Variants in ZNF782 observed in about 807,000 individuals in gnomAD.
ZNF782 encodes the protein zinc finger protein 782.
ZNF782 carries 12 observed loss-of-function variants against 13.0 expected under a neutral mutation model. The observed-to-expected ratio is 0.92, with a 90% confidence interval of 0.59 to 1.50. ZNF782 has a LOEUF of 1.50. Ranked by LOEUF, ZNF782 falls within the 40% of genes most tolerant of loss-of-function variation. The probability of loss-of-function intolerance (pLI) is 0.00; values close to 1 mark genes in which losing one functional copy is unlikely to be tolerated. For missense variants in ZNF782, 770 were observed against 822.9 expected (o/e 0.94, Z 0.79); for synonymous variants, 284 against 283.0 (o/e 1.00, Z -0.04).
the ZNF782 span, among the ~76,000 whole-genome samples, chr9:96,925,246 C>T: frequency 2.0e-5 from 3 of 151,992 alleles, no homozygotes; most frequent in African/African-American, 7.3e-5. Context: ...GGGAGGGCCC[C>T]GCAGGAGATG....
chr9:96,819,921 ACATATTCCC>A, intron 5 of ZNF782, 143 bp from the exon 6 acceptor site: 1 of 687,202 alleles, frequency 1.5e-6, no homozygotes, highest in East Asian at 3.4e-5. Flanking sequence ...AATTTCAAGT[ACATATTCCC>A]CATATTCCCT....
upstream of ZNF782, among the ~76,000 whole-genome samples, chr9:96,877,486 G>C (rs994346957): frequency 6.6e-6 from 1 of 152,262 alleles, no homozygotes; most frequent in African/African-American, 2.4e-5. Flanking sequence ...ACCTGGCAGA[G>C]GGGGCTGCAG....
chr9:96,848,812 T>C (rs1252953906), intron 3 of ZNF782, among the ~76,000 whole-genome samples: 1 of 152,024 alleles, frequency 6.6e-6, no homozygotes, highest in Non-Finnish European at 1.5e-5. Context: ...TTTACATAAT[T>C]AGAAAAAACA....
chr9:96,829,590 G>A (rs1362947787), intron 4 of ZNF782, among the ~76,000 whole-genome samples: 2 of 152,082 alleles, frequency 1.3e-5, no homozygotes, highest in African/African-American at 2.4e-5. Context: ...AAGTACAGAA[G>A]AGTTGAAGAA....
chr9:96,833,949 CCT>C (rs1162289141), intron 4 of ZNF782, among the ~76,000 whole-genome samples: 1 of 152,100 alleles, frequency 6.6e-6, no homozygotes, highest in Admixed American at 6.5e-5. Context: ...AGTTGGCTCC[CCT>C]GTTCTTTGAC....
chr9:96,919,961 A>C, the ZNF782 span, among the ~76,000 whole-genome samples: 7,842 of 147,926 alleles, frequency 0.053, 533 homozygotes, highest in African/African-American at 0.18. Flanking sequence ...TAGTAATATA[A>C]GATTATTATT....
the ZNF782 span, among the ~76,000 whole-genome samples, chr9:96,883,699 C>T: frequency 5.9e-5 from 9 of 152,050 alleles, no homozygotes; most frequent in African/African-American, 1.7e-4. Context: ...GAAAAACTAA[C>T]GACATAAAAA....
At chr9:96,844,744 G>A in intron 4 of ZNF782, 146 bp downstream of exon 4, 1 of 1,072,212 alleles carries the variant, frequency 9.3e-7, no homozygotes. Context: ...TTTCTGTTAA[G>A]TATACCTCAA....
intron 1 of ZNF782, among the ~76,000 whole-genome samples, chr9:96,862,197 A>G (rs990698411): frequency 3.3e-5 from 5 of 152,236 alleles, no homozygotes; most frequent in African/African-American, 4.8e-5. Flanking sequence ...GAGCTAAAGT[A>G]GAATTGTTGG....
In ZNF782 at chr9:96,818,716, C is replaced by T; in HGVS notation, c.1307G>A (p.Gly436Asp). 1 of 1,613,688 alleles carries T rather than the reference C, an allele frequency of 6.2e-7. No individual in the cohort carries two copies. The highest frequency in any genetic ancestry group is 8.5e-7 in the Non-Finnish European group (1 of 1,179,942). ...GCDKAFSAKS[G>D]LRIHQRTHTG... ...GTGGGTTCTCTGGTGTATTCTTAGG[C>T]CTGACTTTGCACTGAAAGCTTTATC... Residue 436 changes from glycine to aspartate, a missense_variant, in exon 6 of 6, where the codon GGC becomes GAC. Physicochemically the swap from Gly to Asp is moderately conservative, Grantham distance 94. Coordinates refer to ENST00000481138, the MANE Select transcript of ZNF782 (RefSeq NM_001001662.3).
At chr9:96,886,512 T>C in the ZNF782 span, among the ~76,000 whole-genome samples, 2 of 152,342 alleles carry the variant, frequency 1.3e-5, no homozygotes, top group East Asian at 3.9e-4. Context: ...TAGAAAAGGT[T>C]GTTAAACCAC....
chr9:96,894,354 C>T, the ZNF782 span: 3 of 151,976 alleles, frequency 2.0e-5, no homozygotes, highest in Non-Finnish European at 2.9e-5. Flanking sequence ...AAAAAAAGAA[C>T]CTCCATGCTC....
At chr9:96,902,954 C>T in the ZNF782 span, 2 of 151,272 alleles carry the variant, frequency 1.3e-5, no homozygotes, top group Non-Finnish European at 2.9e-5. Flanking sequence ...AAGCATGCAC[C>T]ATCACACCGG....
At chr9:96,873,018 T>A (rs1443917973) in intron 1 of ZNF782, among the ~76,000 whole-genome samples, 1 of 151,948 alleles carries the variant, frequency 6.6e-6, no homozygotes, top group Non-Finnish European at 1.5e-5. Flanking sequence ...CCACATAATT[T>A]GACTTTAGCA....
chr9:96,831,043 A>C (rs962329353), intron 4 of ZNF782, among the ~76,000 whole-genome samples: 7 of 152,184 alleles, frequency 4.6e-5, no homozygotes, highest in South Asian at 2.1e-4. Flanking sequence ...CGCCACAGGG[A>C]CCTGTGAGAC....
chr9:96,862,143 C>T (rs1345050015), intron 1 of ZNF782, among the ~76,000 whole-genome samples: 2 of 152,008 alleles, frequency 1.3e-5, no homozygotes, highest in Admixed American at 6.5e-5. Context: ...GTGAAATAAG[C>T]GAAGCAAGAA....
intron 4 of ZNF782, among the ~76,000 whole-genome samples, chr9:96,843,345 C>T (rs1322733751): frequency 6.6e-6 from 1 of 152,098 alleles, no homozygotes; most frequent in African/African-American, 2.4e-5. Flanking sequence ...TACTACGTAG[C>T]TATAAAAGGA....
intron 2 of ZNF782, 34 bp from the exon 3 acceptor site, chr9:96,852,039 C>T (rs1472756290): frequency 1.7e-5 from 24 of 1,432,380 alleles, no homozygotes; most frequent in African/African-American, 2.8e-5. Flanking sequence ...CACACGGTCT[C>T]GCCTACCTCA....
At chr9:96,876,878 C>T (rs1167340898), upstream of ZNF782, among the ~76,000 whole-genome samples, 1 of 126,122 alleles carries the variant, frequency 7.9e-6, no homozygotes, top group Non-Finnish European at 1.6e-5. Context: ...TGGTGGCGGG[C>T]GCCTGCAGTC....
Sources: allele counts gnomAD v4.1 joint callset (sites outside exome capture counted in the v4.1 genomes callset), GRCh38; gene constraint gnomAD v4.1.1; transcripts MANE v1.5; gene names NCBI Gene and HGNC (gene_info 2026-07-23, HGNC 2026-07-21).